EYS: variants seen among roughly 807,000 people sequenced by gnomAD.
EYS encodes protein eyes shut homolog.
A neutral mutation model predicts 282.1 loss-of-function variants in EYS; 250 were observed. The ratio of observed to expected loss-of-function variants is 0.89; its 90% confidence interval spans 0.80 to 0.98. EYS has a LOEUF of 0.98. Ranked by LOEUF, EYS falls within the 50% of genes least tolerant of loss-of-function variation. The pLI is 0.00. For missense variants in EYS, 4,016 were observed against 3,709.0 expected, an observed-to-expected ratio of 1.08 and a Z score of -2.15; for synonymous variants, 1,355 against 1,282.9, an observed-to-expected ratio of 1.06 and a Z score of -1.20.
chr6:65,185,693 GT>G (rs1765501529), intron 12 of EYS, among the ~76,000 whole-genome samples: 1 of 151,744 alleles, frequency 6.6e-6, no homozygotes, highest in Middle Eastern at 3.4e-3. Context: ...CGTTCTTTTT[GT>G]TTTTTCTTAG....
intron 1 of EYS, among the ~76,000 whole-genome samples, chr6:65,700,912 C>A (rs931548788): frequency 6.6e-6 from 1 of 152,182 alleles, no homozygotes; most frequent in Non-Finnish European, 1.5e-5. Flanking sequence ...CTTTACTCAT[C>A]CAGCCTTGTT....
At chr6:64,062,225 A>C (rs1024844386) in intron 33 of EYS, among the ~76,000 whole-genome samples, 7 of 152,236 alleles carry the variant, frequency 4.6e-5, no homozygotes, top group Admixed American at 1.3e-4. Context: ...ATGAGACAGC[A>C]AGAGAAGGTG....
intron 1 of EYS, among the ~76,000 whole-genome samples, chr6:65,690,802 A>G (rs1384484452): frequency 6.7e-6 from 1 of 149,598 alleles, no homozygotes; most frequent in Non-Finnish European, 1.5e-5. Flanking sequence ...CTCATTGTTC[A>G]GCTCTCACTT....
chr6:65,283,921 T>G (rs1271969839), intron 12 of EYS, among the ~76,000 whole-genome samples: 1 of 152,168 alleles, frequency 6.6e-6, no homozygotes, highest in Non-Finnish European at 1.5e-5. Flanking sequence ...GCTTACAAAA[T>G]AGTAGGTTAT....
intron 19 of EYS, among the ~76,000 whole-genome samples, chr6:64,827,061 A>T (rs1007297844): frequency 1.3e-5 from 2 of 151,808 alleles, no homozygotes; most frequent in Non-Finnish European, 2.9e-5. Context: ...CAAAATCCCA[A>T]ATCTGAATCT....
At chr6:64,774,627 T>C (rs1476250079) in intron 22 of EYS, among the ~76,000 whole-genome samples, 1 of 151,936 alleles carries the variant, frequency 6.6e-6, no homozygotes, top group East Asian at 1.9e-4. Flanking sequence ...CAGTCTGTTA[T>C]GTATAAATTA....
chr6:64,851,703 A>AC (rs1336684374), intron 19 of EYS, among the ~76,000 whole-genome samples: 1 of 152,132 alleles, frequency 6.6e-6, no homozygotes, highest in Non-Finnish European at 1.5e-5. Context: ...AGAAACAGAA[A>AC]CCAAATATTG....
At chr6:64,918,993 A>G (rs145973081) in intron 15 of EYS, among the ~76,000 whole-genome samples, 32 of 152,310 alleles carry the variant, frequency 2.1e-4, no homozygotes, top group African/African-American at 7.7e-4. Context: ...TAAATTTATG[A>G]AACATATAGA....
chr6:64,810,680 T>G (rs1344144967), intron 22 of EYS, among the ~76,000 whole-genome samples: 1 of 152,056 alleles, frequency 6.6e-6, no homozygotes, highest in Non-Finnish European at 1.5e-5. Context: ...ATTCTGCAGG[T>G]CATTAAAGGC....
chr6:65,406,156 T>C (rs549947115), intron 5 of EYS, among the ~76,000 whole-genome samples: 2 of 152,154 alleles, frequency 1.3e-5, no homozygotes, highest in Non-Finnish European at 2.9e-5. Flanking sequence ...TAAATTTTCA[T>C]TCACTAATGA....
At chr6:65,544,704 G>T in intron 2 of EYS, among the ~76,000 whole-genome samples, 1 of 152,062 alleles carries the variant, frequency 6.6e-6, no homozygotes, top group Admixed American at 6.6e-5. Flanking sequence ...ACTAACATGT[G>T]CTGAGTAAAA....
chr6:63,861,470 A>C (rs1164599367), intron 36 of EYS, among the ~76,000 whole-genome samples: 2 of 152,218 alleles, frequency 1.3e-5, no homozygotes, highest in Non-Finnish European at 2.9e-5. Context: ...CACAAAAGTC[A>C]CTAGCCCTTT....
chr6:64,302,563 T>G (rs574746586), intron 30 of EYS, among the ~76,000 whole-genome samples: 1 of 152,174 alleles, frequency 6.6e-6, no homozygotes, highest in Non-Finnish European at 1.5e-5. Context: ...GTCCAGCTTA[T>G]GCCAGCTCAC....
intron 12 of EYS, among the ~76,000 whole-genome samples, chr6:65,286,467 A>T (rs1489334213): frequency 6.6e-6 from 1 of 151,772 alleles, no homozygotes; most frequent in South Asian, 2.1e-4. Context: ...TTAAATTTTT[A>T]AAAATACATT....
intron 26 of EYS, among the ~76,000 whole-genome samples, chr6:64,551,011 G>A (rs1190991095): frequency 3.9e-5 from 6 of 151,944 alleles, no homozygotes; most frequent in African/African-American, 1.2e-4. Flanking sequence ...CAAGTGCTTA[G>A]CAGAAAAGCC....
At chr6:64,564,729 T>C (rs1422491741) in intron 26 of EYS, among the ~76,000 whole-genome samples, 5 of 151,806 alleles carry the variant, frequency 3.3e-5, no homozygotes, top group Non-Finnish European at 5.9e-5. Context: ...TAAGTGGGAA[T>C]TGAAAAATGA....
intron 12 of EYS, among the ~76,000 whole-genome samples, chr6:65,169,703 C>T (rs1394575787): frequency 6.6e-6 from 1 of 151,390 alleles, no homozygotes; most frequent in African/African-American, 2.4e-5. Flanking sequence ...ATACTGACTT[C>T]TACCTAACTA....
At chr6:65,652,442 A>T (rs1221455978) in intron 1 of EYS, among the ~76,000 whole-genome samples, 3 of 151,982 alleles carry the variant, frequency 2.0e-5, no homozygotes, top group Admixed American at 6.6e-5. Flanking sequence ...AAAATATCCC[A>T]GAGAAGTGTA....
intron 31 of EYS, among the ~76,000 whole-genome samples, chr6:64,208,837 AG>A: frequency 6.6e-6 from 1 of 152,134 alleles, no homozygotes; most frequent in Non-Finnish European, 1.5e-5. Context: ...AACTGGAGAA[AG>A]ATTCTGTTTC....
Sources: allele counts gnomAD v4.1 joint callset (sites outside exome capture counted in the v4.1 genomes callset), GRCh38; gene constraint gnomAD v4.1.1; transcripts MANE v1.5; gene names NCBI Gene and HGNC (gene_info 2026-07-23, HGNC 2026-07-21).